Variants in INTS7 observed in about 807,000 individuals in gnomAD.
INTS7 encodes the protein integrator complex subunit 7, also known as chromosome 1 open reading frame 73.
A neutral mutation model predicts 109.2 loss-of-function variants in INTS7; 46 were observed. That is an observed-to-expected ratio of 0.42 (90% CI 0.33 to 0.54). The LOEUF (loss-of-function observed/expected upper bound fraction) is 0.54, where lower values mean the gene tolerates loss of function less well. INTS7 is among the 20% of genes least tolerant of loss of function. The pLI, the probability that INTS7 is intolerant of heterozygous loss-of-function variation, is 0.07. For missense variants in INTS7, 929 were observed against 1,132.4 expected, an observed-to-expected ratio of 0.82 and a Z score of 2.58; for synonymous variants, 412 against 402.9, an observed-to-expected ratio of 1.02 and a Z score of -0.27.
rs150638626 is a variant in INTS7, at chr1:212,007,328, C to A, written c.678G>T (p.Pro226=). 10 of 1,613,882 alleles carry A rather than the reference C, an allele frequency of 6.2e-6. 2 individuals carry two copies. In the South Asian group the frequency reaches 1.1e-4, roughly 18 times the overall value. The stretch of plus-strand genomic sequence containing the variant: ...AAGACACAATCACCATTTTGGTGGA[C>A]GGATAGGATGTGACCAGCTGTTGTA... ...QLLQQLVTSY[P]STKMVIVSLH... The change falls in exon 6 of 20, where the codon CCG becomes CCT. Residue 226 remains proline (P), a synonymous_variant. Coordinates refer to ENST00000366994, the MANE Select transcript of INTS7 (RefSeq NM_015434.4).
At chr1:211,991,245 C>T (rs950694027) in intron 7 of INTS7, among the ~76,000 whole-genome samples, 1 of 152,056 alleles carries the variant, frequency 6.6e-6, no homozygotes, top group Non-Finnish European at 1.5e-5. Flanking sequence ...GAAATATCCA[C>T]CAGGCATTTG....
In INTS7 at chr1:212,017,008, C is replaced by A. The variant is rs138056488; in HGVS notation, c.387G>T (p.Leu129=). The A allele has an allele frequency of 1.4e-5, 23 of 1,596,722 alleles. No homozygotes were observed. In the African/African-American group the frequency reaches 2.6e-4, roughly 18 times the overall value. ...TCTTCCTCTCAGGAATTATTGATGC[C>A]AGACTTCCCAACATCCTACAGAAAC... The part of the protein sequence containing the change: ...RAITLRMLGS[L]ASIIPERKNA... The change falls in exon 4 of 20, where the codon CTG becomes CTT. Residue 129 remains leucine (L), a synonymous_variant. Transcript: ENST00000366994.
Position 211,978,380 on chromosome 1 carries a change from T to TGCCAGGCAATGGCA in INTS7, c.1348_1361dup (p.Met458TrpfsTer25). 5 of 1,614,218 alleles carry TGCCAGGCAATGGCA rather than the reference T, an allele frequency of 3.1e-6. No individual in the cohort carries two copies. Among genetic ancestry groups the TGCCAGGCAATGGCA allele is most frequent in the Non-Finnish European group, 4.2e-6 (5 of 1,180,034 alleles). ...GCACCGGCAGTTGCATGGCAATGGCTGCCAGGCAATGGCACATCAAAATCC... is the reference window on the plus strand; with the variant it reads ...GCACCGGCAGTTGCATGGCAATGGCTGCCAGGCAATGGCAGCCAGGCAATGGCACATCAAAATCC... On this transcript the variant is annotated frameshift_variant, in exon 11 of 20. Coordinates refer to ENST00000366994, the MANE Select transcript of INTS7 (RefSeq NM_015434.4). LOFTEE classifies it high-confidence loss of function.
chr1:211,941,185 G>A lies in INTS7; in HGVS notation c.*639C>T, dbSNP rs960541556. 2 of 152,328 alleles carry A rather than the reference G, an allele frequency of 1.3e-5. No homozygotes were observed. Among genetic ancestry groups the A allele is most frequent in the African/African-American group, 4.8e-5 (2 of 41,396 alleles). The allele number at this position is 152,328 out of a possible 1,614,324, so 9.4% of individuals were successfully genotyped here. A position where few individuals can be genotyped will look rare whatever the true frequency, so the allele number is the denominator to read the frequency against. On this transcript the variant is annotated 3_prime_UTR_variant, in exon 20 of 20. Transcript: ENST00000366994. The stretch of plus-strand genomic sequence containing the variant: ...TCCCAATGAACAACTCAGAATCCTA[G>A]GTCTAAGTCAGGCAGCAAATGATGT...
intron 1 of INTS7, among the ~76,000 whole-genome samples, chr1:212,022,859 T>C (rs938360020): frequency 6.6e-6 from 1 of 152,148 alleles, no homozygotes; most frequent in East Asian, 1.9e-4. Context: ...GTAGTGAGCA[T>C]AGTACCCAAT....
chr1:211,967,767 A>G, intron 15 of INTS7, 111 bp downstream of exon 15: 2 of 627,596 alleles, frequency 3.2e-6, no homozygotes, highest in Non-Finnish European at 5.5e-6. Flanking sequence ...TATATAATAA[A>G]TTTATAGGGT....
intron 13 of INTS7, among the ~76,000 whole-genome samples, chr1:211,974,236 G>A (rs1311947587): frequency 1.5e-5 from 2 of 134,582 alleles, no homozygotes; most frequent in East Asian, 2.1e-4. Flanking sequence ...GCATTTATTA[G>A]CCTAATATAG....
At chr1:211,989,039 T>C (rs186477039) in intron 7 of INTS7, among the ~76,000 whole-genome samples, 11 of 152,330 alleles carry the variant, frequency 7.2e-5, no homozygotes, top group African/African-American at 2.4e-4. Context: ...TTTGTTAAAT[T>C]AATTTCCATT....
At chr1:212,012,632 T>C (rs1295388440) in intron 4 of INTS7, among the ~76,000 whole-genome samples, 1 of 152,182 alleles carries the variant, frequency 6.6e-6, no homozygotes, top group Admixed American at 6.5e-5. Context: ...TTTAATAAAT[T>C]AGAAGTACAT....
chr1:211,953,894 A>G (rs1663235445), intron 16 of INTS7, among the ~76,000 whole-genome samples: 2 of 152,038 alleles, frequency 1.3e-5, no homozygotes, highest in Admixed American at 6.6e-5. Flanking sequence ...AGCATGATTT[A>G]TAATCCTTAG....
rs762784619 is a variant in INTS7 at position 211,976,707 on chromosome 1, T to C, written c.1483A>G (p.Thr495Ala). ...KQQELLVSLA[T>A]VIFVASQKAL... ...TTCTGACTTGCAACAAAAATCACAGTAGCCAAACTCACCTAACATTGGGCA... is the reference window on the plus strand; with the variant it reads ...TTCTGACTTGCAACAAAAATCACAGCAGCCAAACTCACCTAACATTGGGCA... Residue 495 changes from threonine (T) to alanine (A), a missense_variant, in exon 12 of 20, where the codon ACT becomes GCT. Physicochemically the swap from Thr to Ala is moderately conservative, Grantham distance 58. Coordinates refer to ENST00000366994, the MANE Select transcript of INTS7 (RefSeq NM_015434.4). The C allele has an allele frequency of 1.2e-6, 2 of 1,613,916 alleles. No individual in the cohort carries two copies. The highest frequency in any genetic ancestry group is 1.3e-5 in the African/African-American group (1 of 74,920).
At chr1:211,980,720 TGA>T (rs200521141) in intron 10 of INTS7, among the ~76,000 whole-genome samples, 3,964 of 152,258 alleles carry the variant, frequency 0.026, 57 homozygotes, top group African/African-American at 0.046. Context: ...ATTATAGGCA[TGA>T]GAGCCACTGT....
intron 3 of INTS7, among the ~76,000 whole-genome samples, chr1:212,017,823 T>G (rs189657433): frequency 3.9e-5 from 6 of 152,362 alleles, no homozygotes; most frequent in Admixed American, 2.6e-4. Flanking sequence ...ACACTCAAAG[T>G]AGTACTGTTC....
At chr1:212,020,014 A>T (rs1666621468) in intron 3 of INTS7, 108 bp downstream of exon 3, 1 of 784,170 alleles carries the variant, frequency 1.3e-6, no homozygotes, top group African/African-American at 1.8e-5. Flanking sequence ...TCAAAAAAAC[A>T]TAAACAACTC....
intron 16 of INTS7, among the ~76,000 whole-genome samples, chr1:211,956,970 A>C (rs971524464): frequency 6.6e-6 from 1 of 152,136 alleles, no homozygotes; most frequent in Non-Finnish European, 1.5e-5. Context: ...TCATATGATA[A>C]ATTTATGTTT....
At chr1:211,968,933 C>T (rs1044770075) in intron 13 of INTS7, among the ~76,000 whole-genome samples, 9 of 152,132 alleles carry the variant, frequency 5.9e-5, no homozygotes, top group African/African-American at 2.2e-4. Flanking sequence ...TCAAAGGTTC[C>T]TTACTGCCTA....
At chr1:212,019,282 T>C (rs1666588733) in intron 3 of INTS7, among the ~76,000 whole-genome samples, 1 of 152,110 alleles carries the variant, frequency 6.6e-6, no homozygotes. Flanking sequence ...ATTAATTCGA[T>C]TGAATATAGC....
At chr1:212,001,576 C>G (rs910279627) in intron 7 of INTS7, among the ~76,000 whole-genome samples, 4 of 152,184 alleles carry the variant, frequency 2.6e-5, no homozygotes, top group Non-Finnish European at 5.9e-5. Flanking sequence ...CCAGCGGATA[C>G]TGAGAGACCA....
chr1:211,985,180 C>T (rs1664840066), intron 8 of INTS7, among the ~76,000 whole-genome samples: 2 of 152,138 alleles, frequency 1.3e-5, no homozygotes, highest in Non-Finnish European at 1.5e-5. Flanking sequence ...CTTGTCAACA[C>T]ACCATGTTTA....
Sources: allele counts gnomAD v4.1 joint callset (sites outside exome capture counted in the v4.1 genomes callset), GRCh38; gene constraint gnomAD v4.1.1; transcripts MANE v1.5; gene names NCBI Gene and HGNC (gene_info 2026-07-23, HGNC 2026-07-21).